Variants in GRHL2 observed in about 807,000 individuals in gnomAD.
GRHL2 encodes the protein grainyhead-like protein 2 homolog.
In GRHL2, 21 loss-of-function variants were observed where a neutral mutation model predicts 83.8. The ratio of observed to expected loss-of-function variants is 0.25; its 90% CI spans 0.18 to 0.36. The LOEUF is 0.36. GRHL2 is among the 10% of genes least tolerant of loss of function. The probability of loss-of-function intolerance (pLI) is 1.00; values close to 1 mark genes in which losing one functional copy is unlikely to be tolerated. For missense variants in GRHL2, 623 were observed against 781.8 expected, an observed-to-expected ratio of 0.80 and a Z score of 2.42; for synonymous variants, 280 against 278.9, an observed-to-expected ratio of 1.00 and a Z score of -0.04.
chr8:101,532,062 A>G (rs1158202047), intron 1 of GRHL2, among the ~76,000 whole-genome samples: 2 of 152,222 alleles, frequency 1.3e-5, no homozygotes, highest in Non-Finnish European at 2.9e-5. Context: ...TCCTGGGCTT[A>G]TGGATTCATT....
chr8:101,598,912 T>C, intron 7 of GRHL2, 145 bp from the exon 8 acceptor site: 2 of 660,522 alleles, frequency 3.0e-6, no homozygotes, highest in South Asian at 1.7e-5. Flanking sequence ...AGAACATCAG[T>C]GAGCACCAGT....
intron 1 of GRHL2, among the ~76,000 whole-genome samples, chr8:101,496,465 T>G (rs1052343073): frequency 6.6e-6 from 1 of 152,110 alleles, no homozygotes; most frequent in Non-Finnish European, 1.5e-5. Flanking sequence ...ATATACCCAT[T>G]CACTTTTTGA....
intron 11 of GRHL2, 114 bp downstream of exon 11, chr8:101,632,479 T>A: frequency 7.8e-7 from 1 of 1,276,424 alleles, no homozygotes; most frequent in Non-Finnish European, 1.1e-6. Flanking sequence ...TTCCATTCAC[T>A]AGAGAAAAAG....
rs760968272 is a variant in GRHL2 at position 101,664,477 on chromosome 8, C to T, written c.1722C>T (p.Pro574=). ...MEAISEKYGL[P]VEKIAKLYKK... ...AGATATCTGAGAAATATGGGCTGCC[C>T]GTGGAGAAGATAGCAAAGCTTTACA... The change falls in exon 15 of 16, where the codon CCC becomes CCT. Residue 574 remains proline (P), a synonymous_variant. Coordinates refer to ENST00000646743, the MANE Select transcript of GRHL2 (RefSeq NM_024915.4). 1.7e-5 allele frequency: 27 copies of T among 1,613,060 alleles called. No homozygotes were observed. In the East Asian group the frequency reaches 1.8e-4, roughly 11 times the overall value.
chr8:101,656,873 G>GACACACACACACACACACAC (rs35693999), intron 14 of GRHL2, among the ~76,000 whole-genome samples: 3,492 of 147,314 alleles, frequency 0.024, 67 homozygotes, highest in Middle Eastern at 0.059. Flanking sequence ...GTGTCTAACA[G>GACACACACACACACACACAC]ACACACACAC....
chr8:101,651,752 T>C (rs533165569), intron 14 of GRHL2, among the ~76,000 whole-genome samples: 31 of 152,192 alleles, frequency 2.0e-4, no homozygotes, highest in Admixed American at 6.5e-4. Context: ...GATGTATCCT[T>C]TGACCCTGTA....
intron 1 of GRHL2, among the ~76,000 whole-genome samples, chr8:101,515,401 T>C (rs1810553004): frequency 6.6e-6 from 1 of 152,190 alleles, no homozygotes; most frequent in Admixed American, 6.5e-5. Flanking sequence ...ACTACAGGTT[T>C]ACTTAAGTCA....
At position 101,526,004 on chromosome 8, in the gene GRHL2, G is replaced by A. The variant is rs1046817322; in HGVS notation, c.21-17237G>A. On this transcript the variant is annotated intron_variant, in intron 1 of 15. Coordinates refer to ENST00000646743, the MANE Select transcript of GRHL2 (RefSeq NM_024915.4). ...CCAAACTAAAATTTTCAAAACATAC[G>A]AATTTAATGAGAAGAGTAGTGTTAT... 5.3e-5 allele frequency among the ~76,000 whole-genome samples: 8 copies of A among 152,092 alleles called. No homozygotes were observed. In the East Asian group the frequency reaches 5.8e-4, roughly 11 times the overall value.
Position 101,492,472 on chromosome 8 carries a change from C to A in GRHL2, c.-298C>A. On this transcript the variant is annotated 5_prime_UTR_variant, in exon 1 of 16. Coordinates refer to ENST00000646743, the MANE Select transcript of GRHL2 (RefSeq NM_024915.4). The stretch of plus-strand genomic sequence containing the variant: ...TACCTGTGGCCGCCCAAGTCCGCCA[C>A]TTTCTGCTCTGTGTCTGCCCATTGC... 2 of 542,524 alleles carry A rather than the reference C, an allele frequency of 3.7e-6. No individual in the cohort carries two copies. The highest frequency in any genetic ancestry group is 4.2e-5 in the South Asian group (2 of 47,486). The allele number at this position is 542,524 out of a possible 1,614,324, so 33.6% of individuals were successfully genotyped here. A position where few individuals can be genotyped will look rare whatever the true frequency, so the allele number is the denominator to read the frequency against.
chr8:101,505,782 C>T (rs914294428), intron 1 of GRHL2, among the ~76,000 whole-genome samples: 5 of 152,130 alleles, frequency 3.3e-5, no homozygotes, highest in African/African-American at 1.2e-4. Context: ...AAATTTGGGA[C>T]ACAAGTCGTT....
At chr8:101,576,308 A>G (rs187245066) in intron 6 of GRHL2, among the ~76,000 whole-genome samples, 1 of 152,238 alleles carries the variant, frequency 6.6e-6, no homozygotes, top group African/African-American at 2.4e-5. Context: ...CAACCTCCCA[A>G]GCTCAAACGG....
intron 8 of GRHL2, among the ~76,000 whole-genome samples, chr8:101,616,734 C>T (rs3956241): frequency 0.019 from 2,961 of 152,234 alleles, 101 homozygotes; most frequent in Admixed American, 0.09. Context: ...CTGGATCACT[C>T]GTCCATCTCC....
At chr8:101,636,973 T>C in intron 12 of GRHL2, 45 bp downstream of exon 12, 1 of 1,570,108 alleles carries the variant, frequency 6.4e-7, no homozygotes, top group Non-Finnish European at 8.8e-7. Context: ...AGTCAGCTCA[T>C]GTCAGTGGTA....
rs572103627 is a variant in GRHL2 at position 101,501,367 on chromosome 8, G to A, written c.20+8578G>A. ...GCTTGTGGCTTCTCTTTATTTTGGC[G>A]CCAGCCTTTCATCTGAACTCTGAAT... On this transcript the variant is annotated intron_variant, in intron 1 of 15. Transcript: ENST00000646743. Among the ~76,000 whole-genome samples, 3 of 152,288 alleles carry A rather than the reference G, an allele frequency of 2.0e-5. No individual in the cohort carries two copies. In the South Asian group the frequency reaches 6.2e-4, roughly 32 times the overall value.
At chr8:101,562,203 A>C (rs776400652) in intron 4 of GRHL2, 1 of 610,026 alleles carries the variant, frequency 1.6e-6, no homozygotes, top group African/African-American at 1.8e-5. Context: ...GATTTCTTCA[A>C]CTCTCTTCAT....
intron 1 of GRHL2, among the ~76,000 whole-genome samples, chr8:101,518,756 A>C (rs778643227): frequency 2.0e-5 from 3 of 152,202 alleles, no homozygotes; most frequent in Non-Finnish European, 4.4e-5. Flanking sequence ...AAGACCCCCA[A>C]GTTCTTTCCA....
intron 4 of GRHL2, among the ~76,000 whole-genome samples, chr8:101,561,701 A>G (rs7461143): frequency 0.044 from 6,733 of 152,296 alleles, 421 homozygotes; most frequent in African/African-American, 0.15. Context: ...TAGTTATTGT[A>G]CAAATGCTGT....
intron 14 of GRHL2, among the ~76,000 whole-genome samples, chr8:101,651,479 A>G (rs1458017533): frequency 6.6e-6 from 1 of 152,220 alleles, no homozygotes; most frequent in Non-Finnish European, 1.5e-5. Flanking sequence ...GAATGGATTC[A>G]TTACACTCCG....
At chr8:101,678,574 C>A in the GRHL2 span, among the ~76,000 whole-genome samples, 24 of 152,002 alleles carry the variant, frequency 1.6e-4, no homozygotes, top group African/African-American at 5.1e-4. Context: ...CTGGGTGGAG[C>A]CCACCACAGC....
Sources: gnomAD v4.1 joint callset for allele counts (sites outside exome capture counted in the v4.1 genomes callset) on GRCh38, gnomAD v4.1.1 for gene constraint, MANE v1.5 for transcripts, NCBI Gene and HGNC (gene_info 2026-07-23, HGNC 2026-07-21) for gene names.